The following FLRT2 variants were observed in gnomAD, a reference collection of about 807,000 sequenced individuals.
The protein encoded by FLRT2 is leucine-rich repeat transmembrane protein FLRT2.
In FLRT2, 15 loss-of-function variants were observed where a neutral mutation model predicts 40.0. That is an observed-to-expected ratio of 0.38 (90% confidence interval 0.25 to 0.58). The LOEUF (loss-of-function observed/expected upper bound fraction) is 0.58, where lower values mean the gene tolerates loss of function less well. Ranked by LOEUF, FLRT2 falls within the 20% of genes least tolerant of loss-of-function variation. The pLI is 0.71. For missense variants in FLRT2, 726 were observed against 840.0 expected (o/e 0.86, Z 1.68); for synonymous variants, 380 against 336.8 (o/e 1.13, Z -1.41).
intron 1 of FLRT2, among the ~76,000 whole-genome samples, chr14:85,619,491 T>G (rs1037666146): frequency 1.3e-5 from 2 of 152,016 alleles, no homozygotes. Flanking sequence ...AAAAAATGAG[T>G]TTTACCTTTT....
chr14:85,641,998 T>C lies in FLRT2; in HGVS notation c.*18501T>C, dbSNP rs928245124. 6.6e-6 allele frequency: 1 copy of C among 152,116 alleles called. No homozygotes were observed. 9.4% of individuals were successfully genotyped at this position (152,116 alleles called of 1,614,324 possible). A position where few individuals can be genotyped will look rare whatever the true frequency, so the allele number is the denominator to read the frequency against. The stretch of plus-strand genomic sequence containing the variant: ...TAAATATAATAATTGTGAGGTAGGC[T>C]GAAGCATGTATAGAAAGAAAACAAC... On this transcript the variant is annotated 3_prime_UTR_variant, in exon 2 of 2. Coordinates refer to ENST00000330753, the MANE Select transcript of FLRT2 (RefSeq NM_013231.6).
chr14:85,555,330 C>A (rs569818491), intron 1 of FLRT2, among the ~76,000 whole-genome samples: 1 of 152,132 alleles, frequency 6.6e-6, no homozygotes, highest in Non-Finnish European at 1.5e-5. Flanking sequence ...TAAAGACTAC[C>A]TGAGACTGGG....
intron 1 of FLRT2, among the ~76,000 whole-genome samples, chr14:85,619,038 CA>C (rs1311601844): frequency 6.6e-6 from 1 of 151,020 alleles, no homozygotes; most frequent in African/African-American, 2.4e-5. Context: ...TCCTTTTCAG[CA>C]GCAAAATGTA....
intron 1 of FLRT2, among the ~76,000 whole-genome samples, chr14:85,610,222 G>A (rs1251289463): frequency 6.6e-6 from 1 of 151,526 alleles, no homozygotes; most frequent in Non-Finnish European, 1.5e-5. Context: ...ATTTGAGACA[G>A]GTGGAAAAAA....
intron 1 of FLRT2, among the ~76,000 whole-genome samples, chr14:85,591,529 A>G (rs1891884588): frequency 6.6e-6 from 1 of 152,342 alleles, no homozygotes; most frequent in African/African-American, 2.4e-5. Flanking sequence ...TTGGCAATGG[A>G]AAAAAAGATT....
chr14:85,586,049 C>T (rs1891599405), intron 1 of FLRT2, among the ~76,000 whole-genome samples: 1 of 147,068 alleles, frequency 6.8e-6, no homozygotes, highest in Non-Finnish European at 1.5e-5. Context: ...ATATATTATA[C>T]TTAAGTGATA....
At chr14:85,575,063 G>C (rs112901696) in intron 1 of FLRT2, among the ~76,000 whole-genome samples, 1 of 152,130 alleles carries the variant, frequency 6.6e-6, no homozygotes, top group South Asian at 2.1e-4. Context: ...CAGCAAAAAA[G>C]GCCTGTGGCC....
At chr14:85,582,913 A>G (rs1264457294) in intron 1 of FLRT2, among the ~76,000 whole-genome samples, 1 of 151,682 alleles carries the variant, frequency 6.6e-6, no homozygotes, top group Non-Finnish European at 1.5e-5. Flanking sequence ...TATAGTTTTT[A>G]CTATATATTT....
At chr14:85,540,648 A>C (rs868218546) in intron 1 of FLRT2, among the ~76,000 whole-genome samples, 1 of 152,188 alleles carries the variant, frequency 6.6e-6, no homozygotes, top group Middle Eastern at 3.4e-3. Context: ...TGAGGTATGA[A>C]GTCTGTATCC....
At chr14:85,532,931 A>T (rs1359380195) in intron 1 of FLRT2, among the ~76,000 whole-genome samples, 1 of 152,206 alleles carries the variant, frequency 6.6e-6, no homozygotes, top group Non-Finnish European at 1.5e-5. Context: ...AGATGGTGAC[A>T]TTATCCCTAA....
chr14:85,605,637 G>A (rs1333342034), intron 1 of FLRT2, among the ~76,000 whole-genome samples: 1 of 152,010 alleles, frequency 6.6e-6, no homozygotes, highest in Non-Finnish European at 1.5e-5. Flanking sequence ...GGGCGTGGTG[G>A]CGGGCACCTG....
intron 1 of FLRT2, among the ~76,000 whole-genome samples, chr14:85,533,406 G>C (rs74068815): frequency 1.3e-5 from 2 of 151,956 alleles, no homozygotes; most frequent in African/African-American, 4.8e-5. Flanking sequence ...CACTTGGAGC[G>C]AGCCCTGCGC....
Position 85,630,516 on chromosome 14 carries a change from G to A in FLRT2, c.*7019G>A, listed in dbSNP as rs1168054396. The stretch of plus-strand genomic sequence containing the variant: ...TTTCATTCAGCAAATATTTACCGAG[G>A]CCTGGTAAGTTCTGGTGCAGAATAA... On this transcript the variant is annotated 3_prime_UTR_variant, in exon 2 of 2. Coordinates refer to ENST00000330753, the MANE Select transcript of FLRT2 (RefSeq NM_013231.6). 1 of 152,046 alleles carries A rather than the reference G, an allele frequency of 6.6e-6. No homozygotes were observed. The highest frequency in any genetic ancestry group is 1.5e-5 in the Non-Finnish European group (1 of 68,020). The allele number at this position is 152,046 out of a possible 1,614,324, so 9.4% of individuals were successfully genotyped here. A position where few individuals can be genotyped will look rare whatever the true frequency, so the allele number is the denominator to read the frequency against.
chr14:85,588,685 G>A (rs564537812), intron 1 of FLRT2, among the ~76,000 whole-genome samples: 7 of 152,100 alleles, frequency 4.6e-5, no homozygotes, highest in East Asian at 1.9e-4. Flanking sequence ...TAGTCACCCC[G>A]TTGTGCTGTC....
intron 1 of FLRT2, among the ~76,000 whole-genome samples, chr14:85,540,931 T>G (rs1327680734): frequency 1.3e-5 from 2 of 152,162 alleles, no homozygotes; most frequent in Admixed American, 6.5e-5. Flanking sequence ...GAGAATCATC[T>G]GTAGGTATAT....
intron 1 of FLRT2, among the ~76,000 whole-genome samples, chr14:85,573,743 C>T (rs1315847548): frequency 6.6e-6 from 1 of 152,194 alleles, no homozygotes; most frequent in Non-Finnish European, 1.5e-5. Context: ...TTCCCCTCAG[C>T]GTCCTCATCT....
Position 85,622,561 on chromosome 14 carries a change from C to A in FLRT2, c.1047C>A (p.Ala349=), listed in dbSNP as rs772583326. ...CQGPEQVRGM[A]VRELNMNLLS... ...GTCCTGAACAAGTCCGGGGGATGGCCGTCAGGGAATTAAATATGAATCTTT... is the reference window on the plus strand; with the variant it reads ...GTCCTGAACAAGTCCGGGGGATGGCAGTCAGGGAATTAAATATGAATCTTT... Residue 349 remains alanine (A), a synonymous_variant, in exon 2 of 2, where the codon GCC becomes GCA. Coordinates refer to ENST00000330753, the MANE Select transcript of FLRT2 (RefSeq NM_013231.6). 6.2e-7 allele frequency: 1 copy of A among 1,613,762 alleles called. No individual in the cohort carries two copies. The highest frequency in any genetic ancestry group is 8.5e-7 in the Non-Finnish European group (1 of 1,179,970).
At chr14:85,536,035 A>G (rs1318439050) in intron 1 of FLRT2, among the ~76,000 whole-genome samples, 3 of 151,054 alleles carry the variant, frequency 2.0e-5, no homozygotes, top group African/African-American at 7.3e-5. Context: ...AGATTCCCAA[A>G]TGACACCATG....
chr14:85,566,850 T>C (rs1890648065), intron 1 of FLRT2, among the ~76,000 whole-genome samples: 1 of 152,080 alleles, frequency 6.6e-6, no homozygotes, highest in African/African-American at 2.4e-5. Context: ...TTTTTCAGTT[T>C]GGTCATTTGT....
Sources: gnomAD v4.1 joint callset for allele counts (sites outside exome capture counted in the v4.1 genomes callset) on GRCh38, gnomAD v4.1.1 for gene constraint, MANE v1.5 for transcripts, NCBI Gene and HGNC (gene_info 2026-07-23, HGNC 2026-07-21) for gene names.